The following OTUD7B variants were observed in gnomAD, a reference collection of about 807,000 sequenced individuals.
OTUD7B encodes OTU deubiquitinase 7B.
A neutral mutation model predicts 82.2 loss-of-function variants in OTUD7B; 34 were observed. The ratio of observed to expected loss-of-function variants is 0.41; its 90% CI spans 0.31 to 0.55. The LOEUF (loss-of-function observed/expected upper bound fraction) is 0.55, where lower values mean the gene tolerates loss of function less well. Among genes scored for constraint, OTUD7B ranks in the 20% least tolerant of loss-of-function variants. OTUD7B has a pLI of 0.20. For missense variants in OTUD7B, 944 were observed against 1,062.1 expected (o/e 0.89, Z 1.55); for synonymous variants, 398 against 402.7 (o/e 0.99, Z 0.14).
At chr1:149,967,164 A>T in intron 4 of OTUD7B, 130 bp downstream of exon 4, 1 of 591,300 alleles carries the variant, frequency 1.7e-6, no homozygotes, top group African/African-American at 1.9e-5. Flanking sequence ...AGTTTATCCC[A>T]CTGACTCCTG....
In OTUD7B at chr1:149,947,256, C is replaced by T. The variant is rs1553772359; in HGVS notation, c.1318G>A (p.Ala440Thr). The T allele has an allele frequency of 1.3e-6, 2 of 1,585,910 alleles. No homozygotes were observed. The highest frequency in any genetic ancestry group is 1.3e-5 in the African/African-American group (1 of 74,356). ...NVKWIPLSSDAQAPLAQPESP... is the reference protein window; with the variant it reads ...NVKWIPLSSDTQAPLAQPESP... ...GATGTGGGAGAAGTCTTCACCTGTG[C>T]ATCAGAGGACAGTGGGATCCACTTC... Residue 440 changes from alanine (A) to threonine (T), a missense_variant, in exon 11 of 12, where the codon GCA (alanine) becomes ACA (threonine). Around this residue, in one of 3 missense-constraint regions of OTUD7B, gnomAD observed 530 missense variants for 625.6 expected, o/e 0.85. Transcript: ENST00000581312.
Position 149,941,307 on chromosome 1 carries a change from C to T in OTUD7B, c.*2550G>A, listed in dbSNP as rs1553770355. Reference sequence around the variant, plus strand: ...TTTCCGGCTTTATTCTCTGGGAAAACCCCTGGTCTGTTTTCATTCCTATTG... The same window carrying T: ...TTTCCGGCTTTATTCTCTGGGAAAATCCCTGGTCTGTTTTCATTCCTATTG... On this transcript the variant is annotated 3_prime_UTR_variant, in exon 12 of 12. Transcript: ENST00000581312. 6.6e-6 allele frequency: 1 copy of T among 152,296 alleles called. No homozygotes were observed. The highest frequency in any genetic ancestry group is 2.1e-4 in the South Asian group (1 of 4,824). 9.4% of individuals were successfully genotyped at this position (152,296 alleles called of 1,614,324 possible).
the OTUD7B span, among the ~76,000 whole-genome samples, chr1:150,042,949 T>A: frequency 6.6e-6 from 1 of 152,318 alleles, no homozygotes; most frequent in South Asian, 2.1e-4. Flanking sequence ...GATCCACATT[T>A]CAAATCTCAT....
chr1:150,022,421 A>AAG, the OTUD7B span, among the ~76,000 whole-genome samples: 2 of 12,150 alleles, frequency 1.6e-4, 1 homozygote, highest in Non-Finnish European at 3.5e-4. Context: ...AAAAAAAAAA[A>AAG]AATAACTACA....
chr1:150,035,413 G>C, the OTUD7B span, among the ~76,000 whole-genome samples: 5 of 152,174 alleles, frequency 3.3e-5, no homozygotes, highest in Admixed American at 1.3e-4. Context: ...GGGGAACACA[G>C]GGTTCAGGTA....
intron 1 of OTUD7B, among the ~76,000 whole-genome samples, chr1:149,999,006 C>A (rs1465918240): frequency 2.0e-5 from 3 of 151,972 alleles, no homozygotes; most frequent in African/African-American, 7.3e-5. Context: ...AATATAAATT[C>A]CCAAGGGGCC....
chr1:150,058,874 C>T, the OTUD7B span, among the ~76,000 whole-genome samples: 1 of 152,068 alleles, frequency 6.6e-6, no homozygotes, highest in African/African-American at 2.4e-5. Context: ...TTATGCTTAT[C>T]TGTCAGAGAC....
the OTUD7B span, among the ~76,000 whole-genome samples, chr1:150,049,633 C>CTT: frequency 7.8e-4 from 103 of 132,326 alleles, no homozygotes; most frequent in Non-Finnish European, 1.0e-3. Context: ...CTCTCTCTTT[C>CTT]TTTTTTTTTT....
chr1:150,053,690 A>C, the OTUD7B span, among the ~76,000 whole-genome samples: 40,049 of 151,936 alleles, frequency 0.26, 7,970 homozygotes, highest in African/African-American at 0.56. Flanking sequence ...GCCACCACGC[A>C]CGGCTGAACA....
the OTUD7B span, among the ~76,000 whole-genome samples, chr1:150,026,694 G>A: frequency 9.0e-3 from 1,374 of 152,124 alleles, 17 homozygotes; most frequent in African/African-American, 0.032. Context: ...GTTGAGATAC[G>A]GTGACAGCAA....
chr1:150,058,901 T>A, the OTUD7B span, among the ~76,000 whole-genome samples: 2 of 152,124 alleles, frequency 1.3e-5, no homozygotes, highest in Non-Finnish European at 2.9e-5. Flanking sequence ...GGAAAAAATA[T>A]TTCTTTTACA....
chr1:150,057,676 G>A, the OTUD7B span, among the ~76,000 whole-genome samples: 54 of 152,246 alleles, frequency 3.5e-4, 2 homozygotes, highest in South Asian at 9.5e-3. Context: ...GTGTTCATTA[G>A]TTTTTAATCA....
intron 1 of OTUD7B, among the ~76,000 whole-genome samples, chr1:149,999,308 A>C (rs988324146): frequency 6.6e-6 from 1 of 152,218 alleles, no homozygotes; most frequent in Non-Finnish European, 1.5e-5. Context: ...GCAAGCAAAG[A>C]AGCTAGGACA....
chr1:150,050,740 C>A, the OTUD7B span, among the ~76,000 whole-genome samples: 16 of 152,090 alleles, frequency 1.1e-4, 1 homozygote, highest in African/African-American at 3.4e-4. Flanking sequence ...ACTCAGTATG[C>A]CAGCTCCCAG....
intron 1 of OTUD7B, among the ~76,000 whole-genome samples, chr1:149,986,145 A>T (rs78534771): frequency 0.011 from 1,694 of 152,046 alleles, 37 homozygotes; most frequent in African/African-American, 0.039. Flanking sequence ...GAGGGCAGGA[A>T]TCTTGGCTTG....
At chr1:149,975,110 T>C (rs1225062240) in intron 2 of OTUD7B, among the ~76,000 whole-genome samples, 1 of 152,170 alleles carries the variant, frequency 6.6e-6, no homozygotes, top group East Asian at 1.9e-4. Flanking sequence ...TCTTGCACCT[T>C]AGGGCCCTTG....
intron 10 of OTUD7B, among the ~76,000 whole-genome samples, chr1:149,948,048 C>T (rs1422410051): frequency 1.3e-5 from 2 of 152,194 alleles, no homozygotes; most frequent in African/African-American, 4.8e-5. Flanking sequence ...GGTACCATCT[C>T]AGCTCACTGC....
chr1:150,034,853 T>C, the OTUD7B span, among the ~76,000 whole-genome samples: 6,099 of 152,132 alleles, frequency 0.04, 415 homozygotes, highest in African/African-American at 0.14. Flanking sequence ...TTTAAAAATG[T>C]CATTATGAGC....
At chr1:149,996,520 T>C (rs1283551363) in intron 1 of OTUD7B, among the ~76,000 whole-genome samples, 1 of 152,258 alleles carries the variant, frequency 6.6e-6, no homozygotes, top group African/African-American at 2.4e-5. Context: ...ATCTAAATCC[T>C]ACCTGTTACT....
Sources: allele counts gnomAD v4.1 joint callset (sites outside exome capture counted in the v4.1 genomes callset), GRCh38; gene constraint gnomAD v4.1.1; regional missense constraint gnomAD v4.1.1; transcripts MANE v1.5; gene names NCBI Gene and HGNC (gene_info 2026-07-23, HGNC 2026-07-21).